EPHA6: variants seen among roughly 807,000 people sequenced by gnomAD.
EPHA6 encodes ephrin type-A receptor 6.
In EPHA6, 50 loss-of-function variants were observed where a neutral mutation model predicts 112.0. The observed-to-expected ratio is 0.45, with a 90% CI of 0.36 to 0.56. The LOEUF is 0.56. EPHA6 is among the 20% of genes least tolerant of loss of function. The probability of loss-of-function intolerance (pLI) is 0.00; values close to 1 mark genes in which losing one functional copy is unlikely to be tolerated. For missense variants in EPHA6, 1,280 were observed against 1,417.4 expected, an observed-to-expected ratio of 0.90 and a Z score of 1.56; for synonymous variants, 529 against 490.7, an observed-to-expected ratio of 1.08 and a Z score of -1.03.
At position 96,839,092 on chromosome 3, in the gene EPHA6, A is replaced by C. The variant is rs188894211; in HGVS notation, c.385+24084A>C. On this transcript the variant is annotated intron_variant, in intron 1 of 17. Transcript: ENST00000389672. ...TTATGTAGTGATTTAAAAACTATAAATTGGAAATCCAAAGGTAAAAGTTTT... is the reference window on the plus strand; with the variant it reads ...TTATGTAGTGATTTAAAAACTATAACTTGGAAATCCAAAGGTAAAAGTTTT... Among the ~76,000 whole-genome samples the C allele has an allele frequency of 4.7e-3, 712 of 152,260 alleles. 3 individuals are homozygous for C. Among genetic ancestry groups the C allele is most frequent in the African/African-American group, 0.015 (631 of 41,568 alleles).
chr3:97,246,349 G>T (rs2108586897), intron 5 of EPHA6, among the ~76,000 whole-genome samples: 1 of 151,874 alleles, frequency 6.6e-6, no homozygotes, highest in East Asian at 1.9e-4. Context: ...CACACATACA[G>T]CAGCCTTTCA....
chr3:97,327,990 T>TCACAC (rs2082544500), intron 5 of EPHA6, among the ~76,000 whole-genome samples: 1 of 124,006 alleles, frequency 8.1e-6, no homozygotes, highest in African/African-American at 4.4e-5. Flanking sequence ...CATATATATG[T>TCACAC]ATATGTGTAT....
intron 5 of EPHA6, among the ~76,000 whole-genome samples, chr3:97,363,399 A>G (rs2084517950): frequency 6.6e-6 from 1 of 151,024 alleles, no homozygotes; most frequent in Non-Finnish European, 1.5e-5. Flanking sequence ...CCAGGGTTAG[A>G]CATCTCACAA....
At chr3:97,123,860 G>T (rs1035614654) in intron 3 of EPHA6, among the ~76,000 whole-genome samples, 2 of 152,026 alleles carry the variant, frequency 1.3e-5, no homozygotes, top group Non-Finnish European at 2.9e-5. Context: ...TCCTGTTCCT[G>T]AGAGTTGTTA....
intron 2 of EPHA6, among the ~76,000 whole-genome samples, chr3:96,878,558 TA>T: frequency 6.6e-6 from 1 of 152,148 alleles, no homozygotes; most frequent in Non-Finnish European, 1.5e-5. Context: ...ACAAGGAACT[TA>T]ATAGTCTAGA....
intron 5 of EPHA6, among the ~76,000 whole-genome samples, chr3:97,324,927 T>G (rs572035393): frequency 1.3e-5 from 2 of 152,268 alleles, no homozygotes; most frequent in African/African-American, 4.8e-5. Context: ...AGGAAATATT[T>G]AGTAGATAAA....
chr3:97,550,640 T>C (rs184591177), intron 11 of EPHA6, among the ~76,000 whole-genome samples: 11 of 152,272 alleles, frequency 7.2e-5, no homozygotes, highest in African/African-American at 2.6e-4. Context: ...AGAGCCTTGC[T>C]TGGGCTTGGA....
rs373912040 is a variant in EPHA6, at chr3:96,949,187, G to GA, written c.451-38137dup. 1.9e-4 allele frequency among the ~76,000 whole-genome samples: 29 copies of GA among 152,080 alleles called. 2 individuals carry two copies. The highest frequency in any genetic ancestry group is 6.5e-4 in the African/African-American group (27 of 41,486). On this transcript the variant is annotated intron_variant, in intron 2 of 17. Transcript: ENST00000389672. ...GCCCAGTTACTGATTGATAGACGGAGAAAAAATTGTAAGTTTTTTTTCACT... is the reference window on the plus strand; with the variant it reads ...GCCCAGTTACTGATTGATAGACGGAGAAAAAAATTGTAAGTTTTTTTTCACT...
intron 5 of EPHA6, among the ~76,000 whole-genome samples, chr3:97,354,040 T>C (rs908378097): frequency 6.6e-6 from 1 of 152,198 alleles, no homozygotes; most frequent in Admixed American, 6.5e-5. Flanking sequence ...ACAATGCCTC[T>C]ATGAACCTGT....
intron 2 of EPHA6, among the ~76,000 whole-genome samples, chr3:96,955,875 CAAATACA>C (rs2041737045): frequency 6.6e-6 from 1 of 152,132 alleles, no homozygotes; most frequent in Non-Finnish European, 1.5e-5. Flanking sequence ...CAAGTAGGAA[CAAATACA>C]AACTATGTTT....
intron 14 of EPHA6, among the ~76,000 whole-genome samples, chr3:97,715,819 A>G (rs944482048): frequency 6.6e-6 from 1 of 152,212 alleles, no homozygotes; most frequent in Non-Finnish European, 1.5e-5. Context: ...AGCTACAACT[A>G]CCTACCTATT....
At chr3:97,719,399 TG>T (rs2034411403) in intron 14 of EPHA6, among the ~76,000 whole-genome samples, 1 of 152,112 alleles carries the variant, frequency 6.6e-6, no homozygotes, top group Non-Finnish European at 1.5e-5. Context: ...CGCCATCTAG[TG>T]GCGCTAGGGC....
At chr3:97,060,950 A>AAAG (rs2046002254) in intron 3 of EPHA6, among the ~76,000 whole-genome samples, 4 of 148,888 alleles carry the variant, frequency 2.7e-5, no homozygotes, top group African/African-American at 4.9e-5. Flanking sequence ...AAAAAAAAAA[A>AAAG]GTCAGCTAAC....
intron 6 of EPHA6, among the ~76,000 whole-genome samples, chr3:97,422,714 A>C (rs1358005927): frequency 1.3e-5 from 2 of 152,146 alleles, no homozygotes; most frequent in Non-Finnish European, 2.9e-5. Flanking sequence ...AAATCAAAAA[A>C]GAAAACTCAG....
chr3:96,989,393 T>G (rs1313390382), intron 3 of EPHA6, among the ~76,000 whole-genome samples: 5 of 152,218 alleles, frequency 3.3e-5, no homozygotes, highest in Admixed American at 3.3e-4. Context: ...CATTAAAGTA[T>G]GTTTCATTCA....
At chr3:97,282,818 A>G (rs941421920) in intron 5 of EPHA6, among the ~76,000 whole-genome samples, 8 of 152,182 alleles carry the variant, frequency 5.3e-5, no homozygotes, top group African/African-American at 1.9e-4. Context: ...GGGGAACAAC[A>G]CACACCGGGG....
intron 11 of EPHA6, among the ~76,000 whole-genome samples, chr3:97,591,957 T>G (rs1257642663): frequency 6.6e-6 from 1 of 152,194 alleles, no homozygotes; most frequent in Non-Finnish European, 1.5e-5. Flanking sequence ...TATGATTCAT[T>G]ATATAATTTT....
intron 5 of EPHA6, among the ~76,000 whole-genome samples, chr3:97,271,652 C>G (rs1438609779): frequency 2.0e-5 from 3 of 152,302 alleles, no homozygotes; most frequent in Non-Finnish European, 2.9e-5. Context: ...GCCACCGCAC[C>G]CATCCTTAAA....
chr3:96,936,890 G>C lies in EPHA6; in HGVS notation c.451-50440G>C, dbSNP rs1442720056. Among the ~76,000 whole-genome samples the C allele has an allele frequency of 2.0e-5, 3 of 152,150 alleles. No homozygotes were observed. The East Asian group carries it at 5.8e-4, about 29-fold the overall frequency. On this transcript the variant is annotated intron_variant, in intron 2 of 17. Transcript: ENST00000389672. ...TATTTTGTCCTTGCGATAGTTTGCT[G>C]AGAATGATGGTTTCCACTTTCATCC...
Sources: gnomAD v4.1 joint callset for allele counts (sites outside exome capture counted in the v4.1 genomes callset) on GRCh38, gnomAD v4.1.1 for gene constraint, MANE v1.5 for transcripts, NCBI Gene and HGNC (gene_info 2026-07-23, HGNC 2026-07-21) for gene names.